TNRC6B: variants seen among roughly 807,000 people sequenced by gnomAD.
TNRC6B encodes trinucleotide repeat-containing gene 6B protein.
Under a neutral mutation model 203.6 loss-of-function variants are expected in TNRC6B, and 52 were observed. The observed-to-expected ratio is 0.26, with a 90% CI of 0.20 to 0.32. TNRC6B has a LOEUF of 0.32. Ranked by LOEUF, TNRC6B falls within the 10% of genes least tolerant of loss-of-function variation. The pLI is 1.00. For synonymous variants in TNRC6B, 838 were observed against 845.7 expected (o/e 0.99, Z 0.16); for missense variants, 1,923 against 2,286.2 (o/e 0.84, Z 3.24).
intron 1 of TNRC6B, chr22:40,106,879 C>T (rs2068288193): frequency 1.2e-5 from 12 of 972,046 alleles, no homozygotes; most frequent in Non-Finnish European, 2.0e-5. Context: ...TGTCCATCTG[C>T]CTATGTTCCT....
chr22:40,049,765 G>A (rs902109559), intron 1 of TNRC6B, among the ~76,000 whole-genome samples: 3 of 152,012 alleles, frequency 2.0e-5, no homozygotes, highest in Admixed American at 2.0e-4. Flanking sequence ...CACCAAATCT[G>A]GCTAATTTTT....
intron 12 of TNRC6B, among the ~76,000 whole-genome samples, chr22:40,298,822 C>T (rs949462876): frequency 9.3e-4 from 141 of 152,252 alleles, no homozygotes; most frequent in African/African-American, 3.3e-3. Flanking sequence ...AAAAATTAGC[C>T]GGGCGCAGTG....
At chr22:40,103,018 A>G (rs919761787) in intron 1 of TNRC6B, among the ~76,000 whole-genome samples, 1 of 152,072 alleles carries the variant, frequency 6.6e-6, no homozygotes. Flanking sequence ...TGGAGGTTGC[A>G]GTGAGCCAAG....
intron 1 of TNRC6B, among the ~76,000 whole-genome samples, chr22:40,066,601 A>G (rs1189564086): frequency 6.6e-6 from 1 of 152,156 alleles, no homozygotes; most frequent in Non-Finnish European, 1.5e-5. Flanking sequence ...TTTGTAAACT[A>G]GTTTGGAAAC....
At chr22:40,299,785 G>T (rs920755210) in intron 12 of TNRC6B, among the ~76,000 whole-genome samples, 6 of 152,194 alleles carry the variant, frequency 3.9e-5, no homozygotes, top group African/African-American at 1.4e-4. Context: ...GTAGATGAGG[G>T]TGCAGGGAAA....
chr22:40,181,710 C>T (rs1439695323), intron 1 of TNRC6B, among the ~76,000 whole-genome samples: 4 of 152,006 alleles, frequency 2.6e-5, no homozygotes, highest in Admixed American at 2.0e-4. Flanking sequence ...GAGTCCCAGG[C>T]AGGCTGATTG....
At chr22:40,156,080 T>C in intron 3 of TNRC6B, 1 of 1,556,600 alleles carries the variant, frequency 6.4e-7, no homozygotes, top group Non-Finnish European at 8.7e-7. Flanking sequence ...TTGTAGTTAC[T>C]GACTGCTGCT....
intron 3 of TNRC6B, among the ~76,000 whole-genome samples, chr22:40,148,124 AG>A (rs2068711027): frequency 6.6e-6 from 1 of 152,290 alleles, no homozygotes; most frequent in Admixed American, 6.5e-5. Flanking sequence ...GCTCATAGAA[AG>A]ATGTTCAACA....
chr22:40,176,349 A>T (rs2069059329), upstream of TNRC6B, among the ~76,000 whole-genome samples: 1 of 151,076 alleles, frequency 6.6e-6, no homozygotes. Context: ...CTGGTCTCGA[A>T]CTCCCGACCT....
chr22:40,300,071 CG>C, intron 12 of TNRC6B, among the ~76,000 whole-genome samples: 1 of 152,150 alleles, frequency 6.6e-6, no homozygotes, highest in East Asian at 1.9e-4. Context: ...AATACTTTCA[CG>C]TAAGTATTAT....
chr22:40,212,660 ATTAT>A (rs2069580870), intron 1 of TNRC6B, among the ~76,000 whole-genome samples: 1 of 151,720 alleles, frequency 6.6e-6, no homozygotes, highest in African/African-American at 2.4e-5. Context: ...TTTGTTTTTA[ATTAT>A]TTTTATTTTT....
At chr22:40,177,790 G>T (rs1036085443), upstream of TNRC6B, 16 of 1,249,088 alleles carry the variant, frequency 1.3e-5, no homozygotes, top group South Asian at 4.6e-4. Context: ...TTTCACAAAT[G>T]AAAGTGAGTG....
At position 40,277,997 on chromosome 22, in the gene TNRC6B, A is replaced by G. The variant is rs1253320498; in HGVS notation, c.3217-2A>G. ...CTCTCTCATCTGTTCTTTATTTTCC[A>G]GAGTCAGACTGAAGATAATCCAAGC... On this transcript the variant is annotated splice_acceptor_variant, in intron 8 of 22. Transcript: ENST00000454349. LOFTEE classifies it high-confidence loss of function. 6.4e-7 allele frequency: 1 copy of G among 1,556,916 alleles called. No individual in the cohort carries two copies. The highest frequency in any genetic ancestry group is 8.7e-7 in the Non-Finnish European group (1 of 1,147,034).
chr22:40,055,265 G>T (rs945430722), intron 1 of TNRC6B, among the ~76,000 whole-genome samples: 1 of 152,192 alleles, frequency 6.6e-6, no homozygotes, highest in African/African-American at 2.4e-5. Context: ...AAGAGGTGCT[G>T]CGGGGATGAA....
At chr22:40,260,711 C>T (rs2070367895) in intron 3 of TNRC6B, among the ~76,000 whole-genome samples, 1 of 152,184 alleles carries the variant, frequency 6.6e-6, no homozygotes, top group African/African-American at 2.4e-5. Flanking sequence ...TTGCCATGGA[C>T]ATTTAACTCT....
chr22:40,117,409 T>A (rs529166183), intron 2 of TNRC6B, among the ~76,000 whole-genome samples: 2 of 152,298 alleles, frequency 1.3e-5, no homozygotes, highest in South Asian at 4.1e-4. Flanking sequence ...CCCTAGCGTC[T>A]CTGTCTCTCA....
At chr22:40,311,925 T>A (rs1442064936) in intron 17 of TNRC6B, among the ~76,000 whole-genome samples, 3 of 152,254 alleles carry the variant, frequency 2.0e-5, no homozygotes, top group Non-Finnish European at 4.4e-5. Context: ...AAAAGTTTAT[T>A]GTGTCACATA....
intron 1 of TNRC6B, among the ~76,000 whole-genome samples, chr22:40,072,711 A>G (rs990158187): frequency 4.6e-5 from 7 of 152,018 alleles, no homozygotes; most frequent in African/African-American, 1.7e-4. Context: ...TAAAAATACA[A>G]AAATTAGCCG....
intron 15 of TNRC6B, among the ~76,000 whole-genome samples, chr22:40,307,621 A>T (rs989236894): frequency 6.6e-6 from 1 of 152,014 alleles, no homozygotes; most frequent in Non-Finnish European, 1.5e-5. Flanking sequence ...CAGTGGGAAC[A>T]CATTACCCAC....
Sources: allele counts gnomAD v4.1 joint callset (sites outside exome capture counted in the v4.1 genomes callset), GRCh38; gene constraint gnomAD v4.1.1; transcripts MANE v1.5; gene names NCBI Gene and HGNC (gene_info 2026-07-23, HGNC 2026-07-21).